The following MSI2 variants were observed in gnomAD, a reference collection of about 807,000 sequenced individuals.
The protein encoded by MSI2 is RNA-binding protein Musashi homolog 2.
A neutral mutation model predicts 45.6 loss-of-function variants in MSI2; 17 were observed. That is an observed-to-expected ratio of 0.37 (90% confidence interval 0.26 to 0.56). The LOEUF is 0.56. Ranked by LOEUF, MSI2 falls within the 20% of genes least tolerant of loss-of-function variation. The pLI, the probability that MSI2 is intolerant of heterozygous loss-of-function variation, is 0.77. For missense variants in MSI2, 293 were observed against 444.2 expected, an observed-to-expected ratio of 0.66 and a Z score of 3.06; for synonymous variants, 156 against 158.2, an observed-to-expected ratio of 0.99 and a Z score of 0.11.
intron 7 of MSI2, among the ~76,000 whole-genome samples, chr17:57,593,287 C>T (rs1598431078): frequency 6.6e-6 from 1 of 152,162 alleles, no homozygotes. Flanking sequence ...TCTGTGGCTG[C>T]CGTAACAAAT....
rs1454950412 is a variant in MSI2, at chr17:57,307,415, T to C, written c.312+45223T>C. On this transcript the variant is annotated intron_variant, in intron 5 of 13. Transcript: ENST00000284073. ...TCCCTGAATTTCCAGACTGTTGGCCTGCCCTAGGATTTTTTTTTTTTCTCT... is the reference window on the plus strand; with the variant it reads ...TCCCTGAATTTCCAGACTGTTGGCCCGCCCTAGGATTTTTTTTTTTTCTCT... Among the ~76,000 whole-genome samples the C allele has an allele frequency of 3.9e-5, 6 of 152,056 alleles. No homozygotes were observed. In the East Asian group the frequency reaches 1.2e-3, roughly 29 times the overall value.
At chr17:57,316,633 A>G (rs970942034) in intron 5 of MSI2, among the ~76,000 whole-genome samples, 6 of 151,998 alleles carry the variant, frequency 3.9e-5, no homozygotes, top group African/African-American at 1.5e-4. Context: ...GTCCATTCCT[A>G]CTTTTGAGTT....
rs945781647 is a variant in MSI2 at position 57,632,523 on chromosome 17, C to T, written c.727+5220C>T. The T allele has an allele frequency of 2.5e-5, 27 of 1,067,014 alleles. No homozygotes were observed. In the East Asian group the frequency reaches 6.4e-4, roughly 25 times the overall value. 66.1% of individuals were successfully genotyped at this position (1,067,014 alleles called of 1,614,324 possible). A position where few individuals can be genotyped will look rare whatever the true frequency, so the allele number is the denominator to read the frequency against. ...ACAGTGGGCCCCGCCTTCCCCAGCT[C>T]GCCTCCCTGCCTGTGCTGGCCTGGC... is the stretch of plus-strand genomic sequence containing the variant. On this transcript the variant is annotated intron_variant, in intron 10 of 13. Coordinates refer to ENST00000284073, the MANE Select transcript of MSI2 (RefSeq NM_138962.4).
At chr17:57,487,764 T>C (rs1384709829) in intron 6 of MSI2, among the ~76,000 whole-genome samples, 1 of 151,412 alleles carries the variant, frequency 6.6e-6, no homozygotes, top group Non-Finnish European at 1.5e-5. Flanking sequence ...AGGGACTGTG[T>C]CTTCTGCTTG....
At chr17:57,576,815 A>G (rs945165968) in intron 7 of MSI2, among the ~76,000 whole-genome samples, 1 of 151,090 alleles carries the variant, frequency 6.6e-6, no homozygotes, top group African/African-American at 2.4e-5. Context: ...AAAAAAAGGA[A>G]GGTTGGGCAG....
rs567688117 is a variant in MSI2 at position 57,596,743 on chromosome 17, T to C, written c.455-125T>C. 4.5e-6 allele frequency: 3 copies of C among 671,334 alleles called. No homozygotes were observed. The East Asian group carries it at 7.9e-5, about 18-fold the overall frequency. 41.6% of individuals were successfully genotyped at this position (671,334 alleles called of 1,614,324 possible). On this transcript the variant is annotated intron_variant, in intron 7 of 13. Coordinates refer to ENST00000284073, the MANE Select transcript of MSI2 (RefSeq NM_138962.4). The surrounding 1 kb of genome is among the most constrained non-coding windows in gnomAD (Gnocchi z 4.6). ...TCCAACCTCAAGGTCCTCCCAAGGATCCGCCTACCTACCCCCAGACCAGGA... is the reference window on the plus strand; with the variant it reads ...TCCAACCTCAAGGTCCTCCCAAGGACCCGCCTACCTACCCCCAGACCAGGA...
At chr17:57,649,712 G>C (rs12936628) in intron 10 of MSI2, among the ~76,000 whole-genome samples, 28,632 of 152,162 alleles carry the variant, frequency 0.19, 3,017 homozygotes, top group East Asian at 0.35. Context: ...TGGCGGGTGA[G>C]GGGTGACTGG....
In MSI2 at chr17:57,333,178, C is replaced by T. The variant is rs142297140; in HGVS notation, c.313-68201C>T. ...ATCTGTGAAATGGAAATGATATCCC[C>T]TCCCTCCTCATAGCGTTGCTGTGAG... On this transcript the variant is annotated intron_variant, in intron 5 of 13. Coordinates refer to ENST00000284073, the MANE Select transcript of MSI2 (RefSeq NM_138962.4). 6.2e-4 allele frequency among the ~76,000 whole-genome samples: 94 copies of T among 152,288 alleles called. No individual in the cohort carries two copies. In the Middle Eastern group the frequency reaches 0.01, roughly 17 times the overall value.
intron 11 of MSI2, among the ~76,000 whole-genome samples, chr17:57,653,438 G>C (rs1174309784): frequency 6.6e-6 from 1 of 152,132 alleles, no homozygotes; most frequent in African/African-American, 2.4e-5. Flanking sequence ...ACCACAGCCA[G>C]TGTCCAAAGG....
intron 7 of MSI2, among the ~76,000 whole-genome samples, chr17:57,553,907 C>T (rs1467065476): frequency 2.6e-5 from 4 of 152,204 alleles, no homozygotes; most frequent in African/African-American, 9.6e-5. Context: ...TAAAGCAAAG[C>T]TCCAGAGAGA....
At chr17:57,672,773 C>G (rs1433210022) in intron 11 of MSI2, among the ~76,000 whole-genome samples, 1 of 151,072 alleles carries the variant, frequency 6.6e-6, no homozygotes, top group Non-Finnish European at 1.5e-5. Flanking sequence ...CAAGCTTCTT[C>G]TGTTTTCCTG....
chr17:57,520,628 A>ATTAAGAACAATTTT (rs2086563535), intron 6 of MSI2, among the ~76,000 whole-genome samples: 1 of 152,140 alleles, frequency 6.6e-6, no homozygotes, highest in Non-Finnish European at 1.5e-5. Flanking sequence ...TTTTGCCACA[A>ATTAAGAACAATTTT]TTAAGAACAA....
chr17:57,699,646 A>T, the MSI2 span, among the ~76,000 whole-genome samples: 1 of 152,106 alleles, frequency 6.6e-6, no homozygotes, highest in Non-Finnish European at 1.5e-5. Context: ...TCCACTGGTC[A>T]TTTTCTCTAC....
the MSI2 span, among the ~76,000 whole-genome samples, chr17:57,699,292 A>AGAGAGT: frequency 1.3e-5 from 2 of 148,800 alleles, no homozygotes; most frequent in African/African-American, 5.0e-5. Context: ...AGAGAGAGAG[A>AGAGAGT]GTGTGTAAGC....
intron 6 of MSI2, among the ~76,000 whole-genome samples, chr17:57,487,477 C>T (rs576072480): frequency 6.6e-6 from 1 of 152,338 alleles, no homozygotes; most frequent in South Asian, 2.1e-4. Context: ...ACTCATCCAT[C>T]AAGTGACAAA....
At chr17:57,367,186 A>G (rs928754854) in intron 5 of MSI2, among the ~76,000 whole-genome samples, 1 of 152,192 alleles carries the variant, frequency 6.6e-6, no homozygotes, top group African/African-American at 2.4e-5. Context: ...CTTCTCCTCC[A>G]CTATCTGTTG....
At chr17:57,333,852 G>A in intron 5 of MSI2, among the ~76,000 whole-genome samples, 1 of 151,966 alleles carries the variant, frequency 6.6e-6, no homozygotes, top group Non-Finnish European at 1.5e-5. Context: ...AGAAGATCAA[G>A]AAAAAGATGA....
At chr17:57,622,672 T>TA (rs1908428468) in intron 9 of MSI2, among the ~76,000 whole-genome samples, 1 of 152,094 alleles carries the variant, frequency 6.6e-6, no homozygotes, top group Admixed American at 6.6e-5. Flanking sequence ...AAAGTATCGT[T>TA]AAGAACAGGC....
chr17:57,401,477 C>G lies in MSI2; in HGVS notation c.405+6C>G, dbSNP rs114196658. ...ATTTCGAGCAGTTTGGCAAGGTAAG[C>G]GCTGGATGGGGTTGGATGGCACATG... On this transcript the variant is annotated splice_donor_region_variant and intron_variant, in intron 6 of 13. Transcript: ENST00000284073. 2 of 1,612,578 alleles carry G rather than the reference C, an allele frequency of 1.2e-6. No individual in the cohort carries two copies. The highest frequency in any genetic ancestry group is 1.7e-6 in the Non-Finnish European group (2 of 1,178,564).
Sources: allele counts gnomAD v4.1 joint callset (sites outside exome capture counted in the v4.1 genomes callset), GRCh38; gene constraint gnomAD v4.1.1; non-coding constraint Gnocchi (gnomAD v3.1); transcripts MANE v1.5; gene names NCBI Gene and HGNC (gene_info 2026-07-23, HGNC 2026-07-21).